Variants in LAMA2 observed in about 807,000 individuals in gnomAD.
LAMA2 encodes the protein laminin subunit alpha-2.
In LAMA2, 269 loss-of-function variants were observed where a neutral mutation model predicts 364.8. The ratio of observed to expected loss-of-function variants is 0.74; its 90% CI spans 0.67 to 0.82. LAMA2 has a LOEUF of 0.82. LAMA2 is among the 40% of genes least tolerant of loss of function. The pLI is 0.00. For missense variants in LAMA2, 3,807 were observed against 3,873.2 expected (o/e 0.98, Z 0.45); for synonymous variants, 1,379 against 1,370.6 (o/e 1.01, Z -0.14).
intron 30 of LAMA2, among the ~76,000 whole-genome samples, chr6:129,344,839 T>C (rs1244924785): frequency 1.3e-5 from 2 of 152,166 alleles, no homozygotes; most frequent in Non-Finnish European, 2.9e-5. Flanking sequence ...AATTGACTAT[T>C]GTAATTGAGC....
chr6:129,403,020 T>C (rs1021932565), intron 39 of LAMA2, among the ~76,000 whole-genome samples: 2 of 152,170 alleles, frequency 1.3e-5, no homozygotes, highest in Admixed American at 1.3e-4. Flanking sequence ...ACAAAGGTCA[T>C]AGGAGGGAGA....
intron 18 of LAMA2, 145 bp from the exon 19 acceptor site, chr6:129,287,702 A>AG: frequency 1.3e-6 from 1 of 758,396 alleles, no homozygotes; most frequent in South Asian, 1.4e-5. Flanking sequence ...GTAGAAAAAC[A>AG]TTTTTTTAAT....
chr6:128,964,567 A>T lies in LAMA2; in HGVS notation c.112+81210A>T, dbSNP rs12661905. Among the ~76,000 whole-genome samples, 43 of 152,214 alleles carry T rather than the reference A, an allele frequency of 2.8e-4. 1 individual carries two copies. In the East Asian group the frequency reaches 7.0e-3, roughly 25 times the overall value. ...TTTCAAATGTCAGCACACTGGAACA[A>T]ATATTAAAGAATGGGTTTGAATCTA... On this transcript the variant is annotated intron_variant, in intron 1 of 64. Transcript: ENST00000421865.
At chr6:129,427,606 G>T (rs940631710) in intron 40 of LAMA2, 146 bp from the exon 41 acceptor site, 3 of 680,418 alleles carry the variant, frequency 4.4e-6, no homozygotes. Flanking sequence ...TTTAACTACC[G>T]AATATGTGCT....
intron 1 of LAMA2, among the ~76,000 whole-genome samples, chr6:128,951,203 C>A (rs1780798239): frequency 6.6e-6 from 1 of 152,018 alleles, no homozygotes; most frequent in Admixed American, 6.6e-5. Context: ...CCTCCACTAG[C>A]CGTTTGACCT....
intron 58 of LAMA2, among the ~76,000 whole-genome samples, chr6:129,495,893 G>A (rs1308101679): frequency 6.6e-6 from 1 of 150,994 alleles, no homozygotes; most frequent in Non-Finnish European, 1.5e-5. Flanking sequence ...AGCAGTGTAT[G>A]TTTTAACTTT....
intron 32 of LAMA2, among the ~76,000 whole-genome samples, chr6:129,354,374 G>A (rs187098295): frequency 1.3e-5 from 2 of 152,056 alleles, no homozygotes; most frequent in African/African-American, 4.8e-5. Context: ...GTATTACACT[G>A]AAAATAAATG....
At chr6:129,345,478 G>T (rs1776495970) in intron 30 of LAMA2, among the ~76,000 whole-genome samples, 1 of 152,092 alleles carries the variant, frequency 6.6e-6, no homozygotes, top group Non-Finnish European at 1.5e-5. Context: ...TTGGTTAGCA[G>T]GATCAATAAC....
intron 1 of LAMA2, among the ~76,000 whole-genome samples, chr6:129,033,153 AAG>A (rs886689200): frequency 1.1e-4 from 17 of 151,962 alleles, no homozygotes; most frequent in African/African-American, 4.1e-4. Context: ...AGATTTGGGG[AAG>A]AGAAGAATGA....
intron 1 of LAMA2, among the ~76,000 whole-genome samples, chr6:128,983,397 T>C (rs963545776): frequency 6.6e-6 from 1 of 152,208 alleles, no homozygotes; most frequent in African/African-American, 2.4e-5. Flanking sequence ...GTTTTTTGGC[T>C]GCATAAATGT....
chr6:129,357,688 C>T (rs1274696431), intron 32 of LAMA2, among the ~76,000 whole-genome samples: 1 of 151,968 alleles, frequency 6.6e-6, no homozygotes, highest in Non-Finnish European at 1.5e-5. Context: ...TTTATCCTAT[C>T]TTGATCTACA....
At chr6:129,457,868 A>G (rs1256586884) in intron 48 of LAMA2, among the ~76,000 whole-genome samples, 1 of 152,112 alleles carries the variant, frequency 6.6e-6, no homozygotes, top group Non-Finnish European at 1.5e-5. Context: ...GTTCTCACAT[A>G]GTAGAAAGAG....
intron 3 of LAMA2, among the ~76,000 whole-genome samples, chr6:129,090,711 A>T (rs1338365759): frequency 6.6e-6 from 1 of 152,156 alleles, no homozygotes; most frequent in East Asian, 1.9e-4. Context: ...TTAGAGAGTT[A>T]CTCTGATTCA....
rs376104852 is a variant in LAMA2, at chr6:129,464,387, G to A, written c.7090G>A (p.Val2364Ile). ...TCGCTGGTACCCCAACATCTCCACT[G>A]TCATGTTCAAGTTCAGAACATTTTC... is the stretch of plus-strand genomic sequence containing the variant. ...PIRWYPNISTVMFKFRTFSSS... is the reference protein window; with the variant it reads ...PIRWYPNISTIMFKFRTFSSS... Residue 2364 changes from valine to isoleucine, a missense_variant, in exon 50 of 65, where the codon GTC becomes ATC. Coordinates refer to ENST00000421865, the MANE Select transcript of LAMA2 (RefSeq NM_000426.4). 5.1e-5 allele frequency: 82 copies of A among 1,611,964 alleles called. No individual in the cohort carries two copies. Among genetic ancestry groups the A allele is most frequent in the Non-Finnish European group, 6.5e-5 (77 of 1,178,520 alleles).
chr6:129,266,578 A>G (rs1432079504), intron 15 of LAMA2, among the ~76,000 whole-genome samples: 1 of 152,122 alleles, frequency 6.6e-6, no homozygotes, highest in Non-Finnish European at 1.5e-5. Flanking sequence ...GTATGTGGTC[A>G]AATATAAGTG....
Position 129,369,961 on chromosome 6 carries a change from G to A in LAMA2, c.4930G>A (p.Val1644Met), listed in dbSNP as rs182762857. ...GGCAGAGGGCAATCTGAATACACTC[G>A]TGACCGAAATGAACGAGCTGCTGAC... The part of the protein sequence containing the change: ...QLAEGNLNTL[V>M]TEMNELLTRA... Residue 1644 changes from valine (V) to methionine (M), a missense_variant, in exon 34 of 65, where the codon GTG (valine) becomes ATG (methionine). Val to Met is a conservative substitution (Grantham distance 21, BLOSUM62 1). This residue lies in a region of LAMA2 where 3,333 missense variants were observed against 3,345.7 expected (regional missense o/e 1.00). Transcript: ENST00000421865. 46 of 1,614,036 alleles carry A rather than the reference G, an allele frequency of 2.9e-5. No individual in the cohort carries two copies. In the East Asian group the frequency reaches 5.1e-4, roughly 18 times the overall value.
intron 58 of LAMA2, among the ~76,000 whole-genome samples, chr6:129,493,112 G>A (rs1042965798): frequency 4.6e-5 from 7 of 152,224 alleles, no homozygotes; most frequent in African/African-American, 1.4e-4. Context: ...CCGAGATCAC[G>A]CCACTGTACT....
At chr6:129,017,531 A>C (rs1026076499) in intron 1 of LAMA2, among the ~76,000 whole-genome samples, 6 of 152,050 alleles carry the variant, frequency 3.9e-5, no homozygotes, top group African/African-American at 1.4e-4. Flanking sequence ...AAGGCCTAGC[A>C]AAGTTTTATT....
intron 1 of LAMA2, among the ~76,000 whole-genome samples, chr6:129,044,009 A>G (rs1318512979): frequency 6.6e-6 from 1 of 152,028 alleles, no homozygotes; most frequent in East Asian, 1.9e-4. Flanking sequence ...TGCTGTGGCT[A>G]TTTTTAGTTT....
Sources: gnomAD v4.1 joint callset for allele counts (sites outside exome capture counted in the v4.1 genomes callset) on GRCh38, gnomAD v4.1.1 for gene constraint, gnomAD v4.1.1 regional missense constraint, MANE v1.5 for transcripts, NCBI Gene and HGNC (gene_info 2026-07-23, HGNC 2026-07-21) for gene names.